Variants in SLC8A3 observed in about 807,000 individuals in gnomAD.
SLC8A3 encodes the protein sodium/calcium exchanger 3.
A neutral mutation model predicts 65.4 loss-of-function variants in SLC8A3; 37 were observed. The observed-to-expected ratio is 0.57, with a 90% CI of 0.44 to 0.74. The LOEUF (loss-of-function observed/expected upper bound fraction) is 0.74, where lower values mean the gene tolerates loss of function less well. Among genes scored for constraint, SLC8A3 ranks in the 30% least tolerant of loss-of-function variants. The probability of loss-of-function intolerance (pLI) is 0.00; values close to 1 mark genes in which losing one functional copy is unlikely to be tolerated. For missense variants in SLC8A3, 1,112 were observed against 1,172.1 expected (o/e 0.95, Z 0.75); for synonymous variants, 461 against 444.5 (o/e 1.04, Z -0.47).
chr14:70,124,049 T>C (rs751227526), intron 2 of SLC8A3, among the ~76,000 whole-genome samples: 2 of 152,160 alleles, frequency 1.3e-5, no homozygotes, highest in Admixed American at 6.5e-5. Flanking sequence ...GCCACACTTG[T>C]CTTACTTAAT....
chr14:70,111,016 T>C (rs971218364), intron 2 of SLC8A3, among the ~76,000 whole-genome samples: 3 of 152,176 alleles, frequency 2.0e-5, no homozygotes, highest in African/African-American at 7.2e-5. Context: ...TCCTCTCTTT[T>C]GGGTACATAC....
chr14:70,099,612 C>G (rs1158866669), intron 2 of SLC8A3, among the ~76,000 whole-genome samples: 1 of 152,154 alleles, frequency 6.6e-6, no homozygotes, highest in Non-Finnish European at 1.5e-5. Flanking sequence ...GTTAGTACTA[C>G]CATCAGGAAG....
intron 5 of SLC8A3, among the ~76,000 whole-genome samples, chr14:70,050,670 A>G (rs77788529): frequency 0.027 from 4,140 of 152,300 alleles, 78 homozygotes; most frequent in Non-Finnish European, 0.041. Context: ...AAAGAATGAC[A>G]GAAATCAGAA....
intron 2 of SLC8A3, among the ~76,000 whole-genome samples, chr14:70,070,165 G>A (rs964821472): frequency 6.6e-6 from 1 of 152,172 alleles, no homozygotes; most frequent in Non-Finnish European, 1.5e-5. Flanking sequence ...CTAGGATGAT[G>A]AGAGATCTAG....
chr14:70,174,981 G>C (rs1390453338), intron 1 of SLC8A3, among the ~76,000 whole-genome samples: 1 of 152,080 alleles, frequency 6.6e-6, no homozygotes, highest in African/African-American at 2.4e-5. Context: ...TACTGTTCTT[G>C]CTTCTCTGAT....
intron 2 of SLC8A3, among the ~76,000 whole-genome samples, chr14:70,101,616 T>A (rs1892559580): frequency 6.6e-6 from 1 of 152,196 alleles, no homozygotes; most frequent in African/African-American, 2.4e-5. Flanking sequence ...TTTGTATTTT[T>A]AAAATGATCC....
intron 2 of SLC8A3, among the ~76,000 whole-genome samples, chr14:70,076,770 CATTT>C (rs2139964234): frequency 6.6e-6 from 1 of 152,254 alleles, no homozygotes; most frequent in South Asian, 2.1e-4. Flanking sequence ...CTGTCAAGTT[CATTT>C]ATTTGGTTAT....
chr14:70,169,017 G>A (rs1410068408), intron 1 of SLC8A3, among the ~76,000 whole-genome samples: 1 of 152,130 alleles, frequency 6.6e-6, no homozygotes, highest in Non-Finnish European at 1.5e-5. Context: ...TTCACTCCAG[G>A]ATTATACCAA....
chr14:70,100,501 G>T (rs542434980), intron 2 of SLC8A3, among the ~76,000 whole-genome samples: 3 of 152,182 alleles, frequency 2.0e-5, no homozygotes. Context: ...GCAATAAGAA[G>T]GTTCAAGCAA....
Position 70,115,877 on chromosome 14 carries a change from G to C in SLC8A3, c.1784+50762C>G, listed in dbSNP as rs184496659. Among the ~76,000 whole-genome samples, 23 of 152,282 alleles carry C rather than the reference G, an allele frequency of 1.5e-4. No individual in the cohort carries two copies. In the East Asian group the frequency reaches 3.9e-3, roughly 26 times the overall value. ...GCACATTCCAGCTTAAACACCTGTA[G>C]ATTTCTAGAAAAATCTTCCTTCTCA... is the stretch of plus-strand genomic sequence containing the variant. On this transcript the variant is annotated intron_variant, in intron 2 of 6. Transcript: ENST00000356921.
At chr14:70,059,170 G>C (rs1211796495) in intron 3 of SLC8A3, 2 of 152,318 alleles carry the variant, frequency 1.3e-5, no homozygotes, top group Admixed American at 1.3e-4. Flanking sequence ...AGAGCATCAG[G>C]TGTGTCCAAA....
chr14:70,182,820 G>A (rs1882869407), intron 1 of SLC8A3, among the ~76,000 whole-genome samples: 1 of 152,182 alleles, frequency 6.6e-6, no homozygotes, highest in Non-Finnish European at 1.5e-5. Context: ...AGAGGATTCT[G>A]TGTTGAAGAA....
At chr14:70,123,699 C>A (rs1041219661) in intron 2 of SLC8A3, among the ~76,000 whole-genome samples, 1 of 152,190 alleles carries the variant, frequency 6.6e-6, no homozygotes, top group Non-Finnish European at 1.5e-5. Flanking sequence ...ATCCACCCGC[C>A]TCAGTCTCCC....
At chr14:70,067,926 G>A (rs1413792561) in intron 2 of SLC8A3, among the ~76,000 whole-genome samples, 1 of 152,180 alleles carries the variant, frequency 6.6e-6, no homozygotes, top group East Asian at 1.9e-4. Flanking sequence ...TACTCCTAGA[G>A]CCAGTAATGC....
In SLC8A3 at chr14:70,127,180, G is replaced by T. The variant is rs886515837; in HGVS notation, c.1784+39459C>A. ...CTATAAGGGGGCAGAAAGGATTGGG[G>T]GTAGGGGTGGGAGAAAGTAAGCTGT... On this transcript the variant is annotated intron_variant, in intron 2 of 6. Transcript: ENST00000356921. Among the ~76,000 whole-genome samples, 4 of 150,780 alleles carry T rather than the reference G, an allele frequency of 2.7e-5. No individual in the cohort carries two copies. The East Asian group carries it at 7.7e-4, about 29-fold the overall frequency.
At chr14:70,144,707 T>C (rs1895818230) in intron 2 of SLC8A3, among the ~76,000 whole-genome samples, 2 of 151,966 alleles carry the variant, frequency 1.3e-5, no homozygotes, top group African/African-American at 4.8e-5. Flanking sequence ...TCTCTTGGAG[T>C]GCCTCAGCTC....
intron 1 of SLC8A3, among the ~76,000 whole-genome samples, chr14:70,172,091 G>A (rs1897581141): frequency 6.6e-6 from 1 of 152,134 alleles, no homozygotes; most frequent in Non-Finnish European, 1.5e-5. Flanking sequence ...ATCTTCTGTG[G>A]TTCCAGAAGG....
At chr14:70,138,014 TCCCCA>T in intron 2 of SLC8A3, among the ~76,000 whole-genome samples, 1 of 152,076 alleles carries the variant, frequency 6.6e-6, no homozygotes, top group Non-Finnish European at 1.5e-5. Context: ...TTCCTGTCAC[TCCCCA>T]GGGAGGGAAA....
intron 2 of SLC8A3, among the ~76,000 whole-genome samples, chr14:70,164,534 A>T (rs542338162): frequency 1.2e-3 from 176 of 152,330 alleles, no homozygotes; most frequent in Admixed American, 2.2e-3. Context: ...TGCGAGGCTC[A>T]TTTGCACCAA....
Sources: gnomAD v4.1 joint callset for allele counts (sites outside exome capture counted in the v4.1 genomes callset) on GRCh38, gnomAD v4.1.1 for gene constraint, MANE v1.5 for transcripts, NCBI Gene and HGNC (gene_info 2026-07-23, HGNC 2026-07-21) for gene names.